The following TIMP3 variants were observed in gnomAD, a reference collection of about 807,000 sequenced individuals.
The protein encoded by TIMP3 is TIMP metallopeptidase inhibitor 3.
In TIMP3, 11 loss-of-function variants were observed where a neutral mutation model predicts 30.0. The observed-to-expected ratio is 0.37, with a 90% CI of 0.23 to 0.61. The LOEUF is 0.61. Ranked by LOEUF, TIMP3 falls within the 20% of genes least tolerant of loss-of-function variation. The pLI, the probability that TIMP3 is intolerant of heterozygous loss-of-function variation, is 0.70. For missense variants in TIMP3, 181 were observed against 276.8 expected (o/e 0.65, Z 2.45); for synonymous variants, 112 against 111.3 (o/e 1.01, Z -0.04).
chr22:32,844,928 T>A (rs2048018009), intron 1 of TIMP3, among the ~76,000 whole-genome samples: 2 of 152,218 alleles, frequency 1.3e-5, no homozygotes, highest in Non-Finnish European at 2.9e-5. Context: ...AAGGTCTCAC[T>A]GTGTTGCCCA....
chr22:32,830,761 T>C (rs1156633452), intron 1 of TIMP3, among the ~76,000 whole-genome samples: 1 of 152,026 alleles, frequency 6.6e-6, no homozygotes, highest in Non-Finnish European at 1.5e-5. Context: ...GCCAGTCACA[T>C]GGACCGTGAG....
At chr22:32,813,513 AC>A (rs1569244199) in intron 1 of TIMP3, among the ~76,000 whole-genome samples, 5 of 150,092 alleles carry the variant, frequency 3.3e-5, no homozygotes, top group African/African-American at 1.3e-4. Flanking sequence ...ACACACACAC[AC>A]ACACACACAC....
At chr22:32,822,552 T>G (rs1365632746) in intron 1 of TIMP3, among the ~76,000 whole-genome samples, 3 of 152,260 alleles carry the variant, frequency 2.0e-5, no homozygotes, top group Non-Finnish European at 2.9e-5. Flanking sequence ...TCTAGAAATT[T>G]AGTCCTAAGA....
At chr22:32,843,282 G>T (rs1000042876) in intron 1 of TIMP3, among the ~76,000 whole-genome samples, 1 of 152,242 alleles carries the variant, frequency 6.6e-6, no homozygotes, top group Non-Finnish European at 1.5e-5. Context: ...TTATCAGTAT[G>T]TTCTAGTTCC....
intron 1 of TIMP3, among the ~76,000 whole-genome samples, chr22:32,817,351 G>C (rs989864276): frequency 2.0e-5 from 3 of 152,184 alleles, no homozygotes; most frequent in African/African-American, 7.2e-5. Flanking sequence ...TTAATCCAGT[G>C]TTCTCTGAAC....
intron 1 of TIMP3, among the ~76,000 whole-genome samples, chr22:32,803,731 C>A (rs1211297791): frequency 6.6e-6 from 1 of 152,164 alleles, no homozygotes; most frequent in Non-Finnish European, 1.5e-5. Context: ...CTGGTTTTGC[C>A]CAGCAGGATC....
At chr22:32,804,161 A>C (rs915576674) in intron 1 of TIMP3, among the ~76,000 whole-genome samples, 3 of 152,216 alleles carry the variant, frequency 2.0e-5, no homozygotes, top group African/African-American at 7.2e-5. Context: ...AAAAAAAGAA[A>C]CAAAAAATCT....
At chr22:32,825,312 A>AAGAGG (rs1240226587) in intron 1 of TIMP3, among the ~76,000 whole-genome samples, 5 of 152,168 alleles carry the variant, frequency 3.3e-5, no homozygotes, top group Non-Finnish European at 7.3e-5. Context: ...CAGGTTTAGA[A>AAGAGG]AGAGGAGAGA....
chr22:32,856,050 T>C (rs1601552041), intron 2 of TIMP3, among the ~76,000 whole-genome samples: 1 of 152,246 alleles, frequency 6.6e-6, no homozygotes, highest in African/African-American at 2.4e-5. Context: ...ACCAGCCAAA[T>C]AGAATTTCTA....
chr22:32,802,894 A>C (rs973606433), intron 1 of TIMP3, among the ~76,000 whole-genome samples: 4 of 152,156 alleles, frequency 2.6e-5, no homozygotes, highest in Non-Finnish European at 5.9e-5. Flanking sequence ...ATTTGTCACC[A>C]AAAGAACAAA....
chr22:32,808,832 A>G (rs558980989), intron 1 of TIMP3, among the ~76,000 whole-genome samples: 1 of 152,326 alleles, frequency 6.6e-6, no homozygotes, highest in East Asian at 1.9e-4. Context: ...CCAAAGCTGC[A>G]TGGGAAACTC....
rs1158942460 is a variant in TIMP3 at position 32,861,485 on chromosome 22, G to C, written c.*2108G>C. The C allele has an allele frequency of 1.3e-5, 2 of 152,376 alleles. No homozygotes were observed. Among genetic ancestry groups the C allele is most frequent in the Middle Eastern group, 3.4e-3 (1 of 294 alleles). The allele number at this position is 152,376 out of a possible 1,614,324, so 9.4% of individuals were successfully genotyped here. On this transcript the variant is annotated 3_prime_UTR_variant, in exon 5 of 5. Transcript: ENST00000266085. ...TTATTTTAACCTCAAGGTCTCGCAT[G>C]GTGGGGCCCCTGACCAACCTACACA... is the stretch of plus-strand genomic sequence containing the variant.
chr22:32,850,412 G>A (rs1280315398), intron 2 of TIMP3, among the ~76,000 whole-genome samples: 3 of 152,078 alleles, frequency 2.0e-5, no homozygotes, highest in Non-Finnish European at 4.4e-5. Flanking sequence ...TTGTAAGGAG[G>A]AGCGGGTGGT....
chr22:32,830,116 C>T (rs1227434437), intron 1 of TIMP3, among the ~76,000 whole-genome samples: 1 of 152,204 alleles, frequency 6.6e-6, no homozygotes, highest in African/African-American at 2.4e-5. Context: ...TGTGAGCTTG[C>T]ACGGCCCATA....
In TIMP3 at chr22:32,861,016, T is replaced by C. The variant is rs1313511337; in HGVS notation, c.*1639T>C. ...AAAGTGAGATGCTGAGAGTAGGTGA[T>C]AATGTATATTTTACAGAGTGGGGGT... On this transcript the variant is annotated 3_prime_UTR_variant, in exon 5 of 5. Transcript: ENST00000266085. 2.0e-5 allele frequency: 3 copies of C among 152,138 alleles called. No homozygotes were observed. Among genetic ancestry groups the C allele is most frequent in the Admixed American group, 1.3e-4 (2 of 15,216 alleles). 9.4% of individuals were successfully genotyped at this position (152,138 alleles called of 1,614,324 possible).
chr22:32,838,167 A>G (rs2047789138), intron 1 of TIMP3, among the ~76,000 whole-genome samples: 1 of 152,218 alleles, frequency 6.6e-6, no homozygotes, highest in African/African-American at 2.4e-5. Flanking sequence ...AAGACATGGC[A>G]CAGGATCTGA....
chr22:32,861,960 A>C lies in TIMP3; in HGVS notation c.*2583A>C, dbSNP rs1032248624. The C allele has an allele frequency of 1.3e-5, 2 of 152,602 alleles. No individual in the cohort carries two copies. The highest frequency in any genetic ancestry group is 2.9e-5 in the Non-Finnish European group (2 of 68,032). 9.5% of individuals were successfully genotyped at this position (152,602 alleles called of 1,614,324 possible). ...CCACATGCCGCCATTTTCCTGAATC[A>C]AATTCTGCAGTGGAATGGAGAGGAA... On this transcript the variant is annotated 3_prime_UTR_variant, in exon 5 of 5. Coordinates refer to ENST00000266085, the MANE Select transcript of TIMP3 (RefSeq NM_000362.5).
intron 1 of TIMP3, among the ~76,000 whole-genome samples, chr22:32,829,518 C>T (rs993999199): frequency 2.0e-5 from 3 of 152,220 alleles, no homozygotes; most frequent in Non-Finnish European, 4.4e-5. Context: ...CTCCATCTAG[C>T]CAGCATCCCC....
chr22:32,805,553 G>C (rs1048332610), intron 1 of TIMP3, among the ~76,000 whole-genome samples: 1 of 152,080 alleles, frequency 6.6e-6, no homozygotes, highest in Non-Finnish European at 1.5e-5. Flanking sequence ...TATCCAGCTG[G>C]AGGAGGGAAG....
Sources: gnomAD v4.1 joint callset for allele counts (sites outside exome capture counted in the v4.1 genomes callset) on GRCh38, gnomAD v4.1.1 for gene constraint, MANE v1.5 for transcripts, NCBI Gene and HGNC (gene_info 2026-07-23, HGNC 2026-07-21) for gene names.